Variants in CIPC observed in about 807,000 individuals in gnomAD.
CIPC encodes the protein CLOCK interacting pacemaker.
A neutral mutation model predicts 26.7 loss-of-function variants in CIPC; 12 were observed. That is an observed-to-expected ratio of 0.45 (90% CI 0.29 to 0.73). The LOEUF (loss-of-function observed/expected upper bound fraction) is 0.73. Ranked by LOEUF, CIPC falls within the 30% of genes least tolerant of loss-of-function variation. The probability of loss-of-function intolerance (pLI) is 0.12; values close to 1 mark genes in which losing one functional copy is unlikely to be tolerated. For synonymous variants in CIPC, 170 were observed against 189.8 expected (o/e 0.90, Z 0.86); for missense variants, 417 against 486.5 (o/e 0.86, Z 1.34).
Position 77,109,940 on chromosome 14 carries a change from C to A in CIPC, c.265C>A (p.Leu89Met). The A allele has an allele frequency of 6.2e-7, 1 of 1,614,212 alleles. No individual in the cohort carries two copies. Among genetic ancestry groups the A allele is most frequent in the Non-Finnish European group, 8.5e-7 (1 of 1,180,028 alleles). ...AACTGCAAAGAATGCCTTCCCTACC[C>A]TGTCTCCCATGGTCGTCATGAAGAA... ...SKTAKNAFPT[L>M]SPMVVMKNVL... Residue 89 changes from leucine to methionine, a missense_variant, in exon 3 of 4, where the codon CTG becomes ATG. Leu to Met is a conservative substitution (Grantham distance 15). Coordinates refer to ENST00000361786, the MANE Select transcript of CIPC (RefSeq NM_033426.3).
At chr14:77,107,166 C>T (rs1886606190) in intron 2 of CIPC, among the ~76,000 whole-genome samples, 2 of 152,170 alleles carry the variant, frequency 1.3e-5, no homozygotes, top group Non-Finnish European at 2.9e-5. Context: ...GTTTATGTTT[C>T]ATTTCATGAA....
intron 2 of CIPC, among the ~76,000 whole-genome samples, chr14:77,109,591 C>T (rs1886653317): frequency 6.6e-6 from 1 of 152,206 alleles, no homozygotes; most frequent in Admixed American, 6.5e-5. Context: ...GGAAGTCAAA[C>T]TCGTCCTAGG....
At chr14:77,099,637 T>TA (rs1886437350) in intron 1 of CIPC, among the ~76,000 whole-genome samples, 1 of 152,224 alleles carries the variant, frequency 6.6e-6, no homozygotes, top group South Asian at 2.1e-4. Flanking sequence ...GCACACATGT[T>TA]ATACACGTGA....
rs1886769211 is a variant in CIPC, at chr14:77,114,449, G to A, written c.*131G>A. 1 of 962,160 alleles carries A rather than the reference G, an allele frequency of 1.0e-6. No homozygotes were observed. The highest frequency in any genetic ancestry group is 1.6e-6 in the Non-Finnish European group (1 of 644,092). The allele number at this position is 962,160 out of a possible 1,614,324, so 59.6% of individuals were successfully genotyped here. On this transcript the variant is annotated 3_prime_UTR_variant, in exon 4 of 4. Coordinates refer to ENST00000361786, the MANE Select transcript of CIPC (RefSeq NM_033426.3). ...AACTGTGTTGTGGTTCACTTAGGAAGCCACGTGCCAATACCTGGCTGCTGT... is the reference window on the plus strand; with the variant it reads ...AACTGTGTTGTGGTTCACTTAGGAAACCACGTGCCAATACCTGGCTGCTGT...
intron 2 of CIPC, among the ~76,000 whole-genome samples, chr14:77,107,627 TACACACACACAC>T (rs35968918): frequency 1.3e-5 from 2 of 150,358 alleles, no homozygotes; most frequent in Admixed American, 6.6e-5. Context: ...TCGCTCTCTT[TACACACACACAC>T]ACACACACAC....
Position 77,114,898 on chromosome 14 carries a change from C to T in CIPC, c.*580C>T, listed in dbSNP as rs1045673252. On this transcript the variant is annotated 3_prime_UTR_variant, in exon 4 of 4. Coordinates refer to ENST00000361786, the MANE Select transcript of CIPC (RefSeq NM_033426.3). ...TCACTCAACGCTTTGTTTTCTTACA[C>T]TTGAAAATCAAGGGAAAGAGTAGTA... 4.6e-5 allele frequency: 7 copies of T among 153,004 alleles called. No homozygotes were observed. The highest frequency in any genetic ancestry group is 2.1e-4 in the South Asian group (1 of 4,852). 9.5% of individuals were successfully genotyped at this position (153,004 alleles called of 1,614,324 possible).
At position 77,114,051 on chromosome 14, in the gene CIPC, G is replaced by C. The variant is rs1886759077; in HGVS notation, c.933G>C (p.Gln311His). ...CAGATATCTTTTCAGAGCAGCGGCA[G>C]AGCAAACATAGGCGCTTTCAGAATA... Reference protein sequence around the residue: ...RSPDIFSEQRQSKHRRFQNTL... With the variant: ...RSPDIFSEQRHSKHRRFQNTL... The change falls in exon 4 of 4, where the codon CAG (glutamine) becomes CAC (histidine). Residue 311 changes from glutamine to histidine, a missense_variant. By Grantham distance (24) the Gln-to-His change is conservative. Transcript: ENST00000361786. 6.2e-7 allele frequency: 1 copy of C among 1,614,086 alleles called. No homozygotes were observed. Among genetic ancestry groups the C allele is most frequent in the African/African-American group, 1.3e-5 (1 of 74,942 alleles).
Position 77,113,748 on chromosome 14 carries a change from C to G in CIPC, c.630C>G (p.Ser210=), listed in dbSNP as rs774605315. 7 of 1,612,716 alleles carry G rather than the reference C, an allele frequency of 4.3e-6. No homozygotes were observed. Among genetic ancestry groups the G allele is most frequent in the African/African-American group, 1.3e-5 (1 of 74,936 alleles). Residue 210 remains serine, a synonymous_variant, in exon 4 of 4, where the codon TCC becomes TCG. Coordinates refer to ENST00000361786, the MANE Select transcript of CIPC (RefSeq NM_033426.3). ...CAACCAAGGCTGGTGCTGTCCCATC[C>G]AGTCCCTCGACGCCAGCACCACCCA... ...SEPTKAGAVP[S]SPSTPAPPSA...
In CIPC at chr14:77,113,592, T is replaced by G; in HGVS notation, c.474T>G (p.Asn158Lys). 1 of 1,614,250 alleles carries G rather than the reference T, an allele frequency of 6.2e-7. No individual in the cohort carries two copies. The highest frequency in any genetic ancestry group is 1.1e-5 in the South Asian group (1 of 91,082). Residue 158 changes from asparagine (N) to lysine (K), a missense_variant, in exon 4 of 4, where the codon AAT (asparagine) becomes AAG (lysine). Transcript: ENST00000361786. ...CCAGGAACTACTTGCCCATTCTGAA[T>G]TCTTACACCAAAATAGCCCCACATC... ...SDSRNYLPILNSYTKIAPHPG... is the reference protein window; with the variant it reads ...SDSRNYLPILKSYTKIAPHPG...
intron 1 of CIPC, among the ~76,000 whole-genome samples, chr14:77,102,014 A>T (rs1886497017): frequency 6.6e-6 from 1 of 152,206 alleles, no homozygotes; most frequent in Non-Finnish European, 1.5e-5. Context: ...TTAGCCCAGG[A>T]GGTCGAGTCT....
At chr14:77,104,189 C>T (rs200051081) in intron 1 of CIPC, among the ~76,000 whole-genome samples, 12 of 152,142 alleles carry the variant, frequency 7.9e-5, no homozygotes, top group East Asian at 3.9e-4. Flanking sequence ...TAAGAGTTCA[C>T]GACCAGCTGA....
chr14:77,106,738 G>T (rs1466512914), intron 2 of CIPC, among the ~76,000 whole-genome samples: 1 of 152,186 alleles, frequency 6.6e-6, no homozygotes, highest in African/African-American at 2.4e-5. Context: ...GAACTCTCTT[G>T]TCTTTAGATT....
At position 77,117,001 on chromosome 14, in the gene CIPC, A is replaced by G. The variant is rs145499003; in HGVS notation, c.*2683A>G. ...TGGCATTATTGAAATATATATAGAA[A>G]AGTTGCTGATTGCAATGGTTATGGG... On this transcript the variant is annotated 3_prime_UTR_variant, in exon 4 of 4. Coordinates refer to ENST00000361786, the MANE Select transcript of CIPC (RefSeq NM_033426.3). 37 of 152,198 alleles carry G rather than the reference A, an allele frequency of 2.4e-4. No homozygotes were observed. The East Asian group carries it at 7.0e-3, about 29-fold the overall frequency. 9.4% of individuals were successfully genotyped at this position (152,198 alleles called of 1,614,324 possible). A position where few individuals can be genotyped will look rare whatever the true frequency, so the allele number is the denominator to read the frequency against.
Position 77,114,375 on chromosome 14 carries a change from C to T in CIPC, c.*57C>T. The T allele has an allele frequency of 1.3e-6, 2 of 1,488,092 alleles. No homozygotes were observed. Among genetic ancestry groups the T allele is most frequent in the African/African-American group, 2.8e-5 (2 of 71,098 alleles). The allele number at this position is 1,488,092 out of a possible 1,614,324, so 92.2% of individuals were successfully genotyped here. The stretch of plus-strand genomic sequence containing the variant: ...GTTCTTTTAGCTCATTTGCTGTTAC[C>T]TACTCCTGTTTCCCAAAGCTTATGT... On this transcript the variant is annotated 3_prime_UTR_variant, in exon 4 of 4. Coordinates refer to ENST00000361786, the MANE Select transcript of CIPC (RefSeq NM_033426.3).
intron 3 of CIPC, 122 bp from the exon 4 acceptor site, chr14:77,113,303 A>C (rs1886739884): frequency 5.9e-6 from 6 of 1,018,548 alleles, no homozygotes; most frequent in Non-Finnish European, 7.6e-6. Flanking sequence ...TATGTGAGAG[A>C]AGCACTGTCC....
rs1338978038 is a variant in CIPC, at chr14:77,114,322, A to C, written c.*4A>C. On this transcript the variant is annotated 3_prime_UTR_variant, in exon 4 of 4. Transcript: ENST00000361786. ...CTCTGATCACCCAGCCATATAGCAC[A>C]GAGGCATATTTTCCTGTTACTTGAG... is the stretch of plus-strand genomic sequence containing the variant. The C allele has an allele frequency of 1.3e-6, 2 of 1,585,458 alleles. No homozygotes were observed. The highest frequency in any genetic ancestry group is 4.5e-5 in the East Asian group (2 of 44,622).
chr14:77,103,450 G>A (rs926335200), intron 1 of CIPC, among the ~76,000 whole-genome samples: 1 of 152,256 alleles, frequency 6.6e-6, no homozygotes, highest in East Asian at 1.9e-4. Flanking sequence ...GGAGTGCATC[G>A]TGAATTAAAA....
chr14:77,106,877 G>A (rs1886600455), intron 2 of CIPC, among the ~76,000 whole-genome samples: 1 of 152,168 alleles, frequency 6.6e-6, no homozygotes, highest in African/African-American at 2.4e-5. Context: ...CCAGGGCCAG[G>A]ACAGTCCAGG....
chr14:77,104,093 G>T (rs1360755259), intron 1 of CIPC, among the ~76,000 whole-genome samples: 1 of 152,188 alleles, frequency 6.6e-6, no homozygotes, highest in Non-Finnish European at 1.5e-5. Flanking sequence ...TGCAAAGCTG[G>T]TGTACACTTG....
Sources: allele counts gnomAD v4.1 joint callset (sites outside exome capture counted in the v4.1 genomes callset), GRCh38; gene constraint gnomAD v4.1.1; transcripts MANE v1.5; gene names NCBI Gene and HGNC (gene_info 2026-07-23, HGNC 2026-07-21).